GPD2: variants seen among roughly 807,000 people sequenced by gnomAD.
GPD2 encodes the protein glycerol-3-phosphate dehydrogenase, mitochondrial.
In GPD2, 54 loss-of-function variants were observed where a neutral mutation model predicts 82.4. That is an observed-to-expected ratio of 0.66 (90% CI 0.53 to 0.82). GPD2 has a LOEUF of 0.82. GPD2 is among the 40% of genes least tolerant of loss of function. The pLI, the probability that GPD2 is intolerant of heterozygous loss-of-function variation, is 0.00. For missense variants in GPD2, 748 were observed against 896.2 expected, an observed-to-expected ratio of 0.83 and a Z score of 2.11; for synonymous variants, 288 against 306.1, an observed-to-expected ratio of 0.94 and a Z score of 0.62.
At chr2:156,496,309 G>A in intron 3 of GPD2, 94 bp downstream of exon 3, 1 of 833,198 alleles carries the variant, frequency 1.2e-6, no homozygotes, top group East Asian at 2.7e-5. Flanking sequence ...TGCCATGGTG[G>A]TTTGCTGCAC....
rs576668819 is a variant in GPD2, at chr2:156,541,118, A to G, written c.662-8490A>G. The stretch of plus-strand genomic sequence containing the variant: ...TCTTCCTCACAATAACTCTGTGTTA[A>G]TCTCATTACTATTCTCCTTCCACAG... On this transcript the variant is annotated intron_variant, in intron 6 of 16. Transcript: ENST00000438166. Among the ~76,000 whole-genome samples, 5 of 152,350 alleles carry G rather than the reference A, an allele frequency of 3.3e-5. No homozygotes were observed. The South Asian group carries it at 1.0e-3, about 32-fold the overall frequency.
the GPD2 span, among the ~76,000 whole-genome samples, chr2:156,422,732 A>C: frequency 6.6e-6 from 1 of 151,966 alleles, no homozygotes; most frequent in Non-Finnish European, 1.5e-5. Context: ...ACTCAGAAAA[A>C]AAAAACAAAA....
chr2:156,494,779 A>G (rs1463646207), intron 2 of GPD2, among the ~76,000 whole-genome samples: 3 of 152,226 alleles, frequency 2.0e-5, no homozygotes, highest in Non-Finnish European at 2.9e-5. Flanking sequence ...TGGAAGTCAC[A>G]TATCTGTGGA....
chr2:156,416,629 C>G, the GPD2 span, among the ~76,000 whole-genome samples: 1 of 150,928 alleles, frequency 6.6e-6, no homozygotes, highest in Non-Finnish European at 1.5e-5. Flanking sequence ...TCCCAAAGTG[C>G]TAGGATTATA....
intron 1 of GPD2, among the ~76,000 whole-genome samples, chr2:156,456,727 A>AG (rs1293025684): frequency 1.3e-5 from 2 of 152,064 alleles, no homozygotes; most frequent in African/African-American, 2.4e-5. Context: ...ATGTGAAATG[A>AG]GGGGGCAGGA....
chr2:156,402,074 C>T, the GPD2 span, among the ~76,000 whole-genome samples: 4,274 of 152,266 alleles, frequency 0.028, 206 homozygotes, highest in African/African-American at 0.097. Flanking sequence ...AAGTACACTA[C>T]ACATGGACTT....
intron 2 of GPD2, among the ~76,000 whole-genome samples, chr2:156,477,830 G>A (rs943084627): frequency 6.6e-6 from 1 of 152,190 alleles, no homozygotes; most frequent in Non-Finnish European, 1.5e-5. Context: ...AAAAGCAAGT[G>A]TGAAAAGATG....
the GPD2 span, among the ~76,000 whole-genome samples, chr2:156,419,358 C>T: frequency 6.6e-6 from 1 of 152,168 alleles, no homozygotes; most frequent in Non-Finnish European, 1.5e-5. Context: ...CACGCCCAGC[C>T]CAGGGTACTG....
At chr2:156,438,268 G>C (rs1682021268) in intron 1 of GPD2, among the ~76,000 whole-genome samples, 1 of 152,146 alleles carries the variant, frequency 6.6e-6, no homozygotes, top group Non-Finnish European at 1.5e-5. Context: ...AGCCTCAATT[G>C]TCTCATTGGC....
chr2:156,439,526 A>C (rs1363830456), intron 1 of GPD2, among the ~76,000 whole-genome samples: 19 of 104,274 alleles, frequency 1.8e-4, no homozygotes, highest in African/African-American at 7.3e-4. Context: ...AAAAAAAAAA[A>C]AAAAAAAAAA....
At chr2:156,563,250 C>T (rs1558963132) in intron 9 of GPD2, among the ~76,000 whole-genome samples, 1 of 151,848 alleles carries the variant, frequency 6.6e-6, no homozygotes, top group East Asian at 1.9e-4. Context: ...TGTATATGAC[C>T]CTTTACTAGA....
chr2:156,494,102 G>T lies in GPD2; in HGVS notation c.103-1942G>T, dbSNP rs150460117. Among the ~76,000 whole-genome samples, 1,221 of 152,204 alleles carry T rather than the reference G, an allele frequency of 8.0e-3. 5 individuals are homozygous for T. Among genetic ancestry groups the T allele is most frequent in the Non-Finnish European group, 0.012 (788 of 68,016 alleles). Reference sequence around the variant, plus strand: ...AAAAATAGGGACATGGTTATTAGCAGATAATTAAAAGAAGCTATATGAAAA... The same window carrying T: ...AAAAATAGGGACATGGTTATTAGCATATAATTAAAAGAAGCTATATGAAAA... On this transcript the variant is annotated intron_variant, in intron 2 of 16. Transcript: ENST00000438166.
chr2:156,513,208 T>G (rs2105273536), intron 5 of GPD2, 125 bp from the exon 6 acceptor site: 1 of 783,044 alleles, frequency 1.3e-6, no homozygotes, highest in Middle Eastern at 3.6e-4. Flanking sequence ...TAAGTCTGTT[T>G]CTTTTGCAGT....
the GPD2 span, among the ~76,000 whole-genome samples, chr2:156,414,876 T>C: frequency 4.7e-3 from 714 of 152,288 alleles, 4 homozygotes; most frequent in Non-Finnish European, 7.9e-3. Flanking sequence ...ATACCTTTAA[T>C]ATCTATTGTT....
intron 13 of GPD2, among the ~76,000 whole-genome samples, chr2:156,572,171 C>T (rs906239636): frequency 6.6e-6 from 1 of 152,132 alleles, no homozygotes; most frequent in African/African-American, 2.4e-5. Flanking sequence ...AAAACTACTA[C>T]TCCTATAGAC....
chr2:156,541,824 G>GTTTTTTTTTTTTTTTT (rs61067726), intron 6 of GPD2, among the ~76,000 whole-genome samples: 5 of 81,468 alleles, frequency 6.1e-5, no homozygotes, highest in South Asian at 4.7e-4. Flanking sequence ...AATGCTGTTT[G>GTTTTTTTTTTTTTTTT]TTTTTTTTTT....
At position 156,582,453 on chromosome 2, in the gene GPD2, A is replaced by G. The variant is rs560891563; in HGVS notation, c.2059-340A>G. 2.5e-3 allele frequency among the ~76,000 whole-genome samples: 382 copies of G among 150,162 alleles called. 4 individuals carry two copies. The highest frequency in any genetic ancestry group is 8.9e-3 in the African/African-American group (363 of 40,734). Reference sequence around the variant, plus strand: ...CTGAGATTCCTTTTTAAGATTTTAAATGGAATTAAAGATCCAATATTTGAA... The same window carrying G: ...CTGAGATTCCTTTTTAAGATTTTAAGTGGAATTAAAGATCCAATATTTGAA... On this transcript the variant is annotated intron_variant, in intron 16 of 16. Transcript: ENST00000438166.
chr2:156,495,409 G>A (rs1684332815), intron 2 of GPD2, among the ~76,000 whole-genome samples: 1 of 151,864 alleles, frequency 6.6e-6, no homozygotes, highest in South Asian at 2.1e-4. Context: ...TAGAATCTAT[G>A]GTTTTATATT....
At chr2:156,460,287 A>C (rs527314532) in intron 1 of GPD2, among the ~76,000 whole-genome samples, 66 of 152,278 alleles carry the variant, frequency 4.3e-4, no homozygotes, top group Non-Finnish European at 3.2e-4. Flanking sequence ...GCTCAGTCAG[A>C]GTGTTCCTTG....
Sources: allele counts gnomAD v4.1 joint callset (sites outside exome capture counted in the v4.1 genomes callset), GRCh38; gene constraint gnomAD v4.1.1; transcripts MANE v1.5; gene names NCBI Gene and HGNC (gene_info 2026-07-23, HGNC 2026-07-21).